The following RNF216 variants were observed in gnomAD, a reference collection of about 807,000 sequenced individuals.
The protein encoded by RNF216 is ring finger protein 216.
Under a neutral mutation model 110.8 loss-of-function variants are expected in RNF216, and 72 were observed. The ratio of observed to expected loss-of-function variants is 0.65; its 90% CI spans 0.54 to 0.79. The LOEUF is 0.79. Ranked by LOEUF, RNF216 falls within the 30% of genes least tolerant of loss-of-function variation. The pLI, the probability that RNF216 is intolerant of heterozygous loss-of-function variation, is 0.00. For missense variants in RNF216, 1,342 were observed against 1,141.2 expected, an observed-to-expected ratio of 1.18 and a Z score of -2.54; for synonymous variants, 495 against 407.5, an observed-to-expected ratio of 1.21 and a Z score of -2.59.
In RNF216 at chr7:5,624,423, C is replaced by T. The variant is rs955286754; in HGVS notation, c.2383-298G>A. ...TGGAGGGCCTCCATGCACTGAGCTGCGTGCAAGTGGTGGATATGAGAAGGG... is the reference window on the plus strand; with the variant it reads ...TGGAGGGCCTCCATGCACTGAGCTGTGTGCAAGTGGTGGATATGAGAAGGG... On this transcript the variant is annotated intron_variant, in intron 15 of 16. Coordinates refer to ENST00000389902, the MANE Select transcript of RNF216 (RefSeq NM_207111.4). This position sits in a 1 kb window ranked among gnomAD's most constrained non-coding sequence, Gnocchi z 4.4. 3.2e-4 allele frequency among the ~76,000 whole-genome samples: 48 copies of T among 152,338 alleles called. No homozygotes were observed. The highest frequency in any genetic ancestry group is 1.0e-3 in the African/African-American group (42 of 41,564).
chr7:5,668,127 C>T (rs549483703), intron 13 of RNF216, among the ~76,000 whole-genome samples: 18 of 152,158 alleles, frequency 1.2e-4, no homozygotes, highest in African/African-American at 4.3e-4. Flanking sequence ...TTGCAAGGTA[C>T]TGTTTATATA....
intron 3 of RNF216, among the ~76,000 whole-genome samples, chr7:5,752,355 C>A (rs1242246135): frequency 6.6e-6 from 1 of 152,036 alleles, no homozygotes; most frequent in Non-Finnish European, 1.5e-5. Context: ...TATGAAAAGA[C>A]AAAATTTGTT....
At chr7:5,762,979 A>T (rs2128672494) in intron 1 of RNF216, among the ~76,000 whole-genome samples, 1 of 152,346 alleles carries the variant, frequency 6.6e-6, no homozygotes, top group Middle Eastern at 3.4e-3. Flanking sequence ...AAGCCAAGAC[A>T]TTACATCTCC....
chr7:5,765,229 A>C (rs1227468790), intron 1 of RNF216, among the ~76,000 whole-genome samples: 2 of 152,144 alleles, frequency 1.3e-5, no homozygotes, highest in African/African-American at 4.8e-5. Flanking sequence ...CGGGAGGTCG[A>C]GGCCAGTGGA....
At chr7:5,767,867 G>C (rs1348287937) in intron 1 of RNF216, among the ~76,000 whole-genome samples, 1 of 152,098 alleles carries the variant, frequency 6.6e-6, no homozygotes, top group Admixed American at 6.6e-5. Context: ...CCAAAGTACT[G>C]GGATTACAGG....
chr7:5,660,666 C>G (rs1464748805), intron 13 of RNF216, among the ~76,000 whole-genome samples: 1 of 151,776 alleles, frequency 6.6e-6, no homozygotes, highest in African/African-American at 2.4e-5. Flanking sequence ...CAGTCGCGAC[C>G]TCCCTGGCTC....
At chr7:5,704,351 G>C (rs1054211966) in intron 13 of RNF216, among the ~76,000 whole-genome samples, 3 of 152,178 alleles carry the variant, frequency 2.0e-5, no homozygotes, top group African/African-American at 7.2e-5. Flanking sequence ...AGTCTCACAC[G>C]GGTCAAAATT....
At chr7:5,647,328 CTTTTTTTTTT>C (rs10617479) in intron 14 of RNF216, among the ~76,000 whole-genome samples, 3 of 94,812 alleles carry the variant, frequency 3.2e-5, no homozygotes, top group Non-Finnish European at 6.4e-5. Context: ...TTCTTTCTTT[CTTTTTTTTTT>C]TTTTTTTTTT....
chr7:5,770,910 C>T (rs993227899), intron 1 of RNF216, among the ~76,000 whole-genome samples: 2 of 151,724 alleles, frequency 1.3e-5, no homozygotes, highest in African/African-American at 4.8e-5. Context: ...TGGGTTCAAG[C>T]GATTCTCCTG....
intron 13 of RNF216, among the ~76,000 whole-genome samples, chr7:5,692,271 C>G (rs1791383234): frequency 6.6e-6 from 1 of 152,202 alleles, no homozygotes; most frequent in South Asian, 2.1e-4. Flanking sequence ...AAGCCTTTTA[C>G]TTGTTCCTCA....
chr7:5,635,305 T>C (rs1459999689), intron 15 of RNF216, among the ~76,000 whole-genome samples: 5 of 151,946 alleles, frequency 3.3e-5, no homozygotes, highest in Non-Finnish European at 5.9e-5. Flanking sequence ...TTTTTTTTTT[T>C]TTTAACACAC....
At chr7:5,630,834 C>A (rs1359068710) in intron 15 of RNF216, among the ~76,000 whole-genome samples, 1 of 152,192 alleles carries the variant, frequency 6.6e-6, no homozygotes, top group Non-Finnish European at 1.5e-5. Flanking sequence ...GCACTATGAA[C>A]TGATTGCCAC....
At chr7:5,703,977 A>C (rs1191313044) in intron 13 of RNF216, among the ~76,000 whole-genome samples, 1 of 152,134 alleles carries the variant, frequency 6.6e-6, no homozygotes, top group African/African-American at 2.4e-5. Flanking sequence ...TTTATGTAAC[A>C]CTCTTCAGTC....
intron 15 of RNF216, among the ~76,000 whole-genome samples, chr7:5,631,887 C>A (rs546325255): frequency 2.6e-4 from 39 of 152,346 alleles, no homozygotes; most frequent in African/African-American, 8.9e-4. Flanking sequence ...TCTGCCCCCA[C>A]GAGGTCCTGC....
rs372693334 is a variant in RNF216, at chr7:5,764,223, A to C, written c.-69-3085T>G. On this transcript the variant is annotated intron_variant, in intron 1 of 16. Coordinates refer to ENST00000389902, the MANE Select transcript of RNF216 (RefSeq NM_207111.4). The stretch of plus-strand genomic sequence containing the variant: ...GAATAAACTAATTAAAAAAAAAAAA[A>C]AACAGATAAGTATCCATTCAAACCA... 3.3e-5 allele frequency among the ~76,000 whole-genome samples: 5 copies of C among 152,234 alleles called. No homozygotes were observed. The South Asian group carries it at 8.3e-4, about 25-fold the overall frequency.
chr7:5,675,988 C>T (rs550524470), intron 13 of RNF216, among the ~76,000 whole-genome samples: 47 of 151,310 alleles, frequency 3.1e-4, no homozygotes, highest in East Asian at 1.8e-3. Flanking sequence ...GGATTACAGG[C>T]GTGAGCTACT....
chr7:5,762,678 C>T (rs990969900), intron 1 of RNF216, among the ~76,000 whole-genome samples: 15 of 151,226 alleles, frequency 9.9e-5, no homozygotes, highest in East Asian at 1.9e-4. Context: ...CATGACAGAG[C>T]GAGACTCTGT....
chr7:5,651,214 G>A (rs1310526691), intron 14 of RNF216, among the ~76,000 whole-genome samples: 1 of 151,886 alleles, frequency 6.6e-6, no homozygotes, highest in Non-Finnish European at 1.5e-5. Context: ...GGGTGAAGCA[G>A]TTAGACAATC....
chr7:5,708,016 C>T (rs1182552776), intron 13 of RNF216, among the ~76,000 whole-genome samples: 2 of 152,178 alleles, frequency 1.3e-5, no homozygotes, highest in Non-Finnish European at 2.9e-5. Context: ...TGGGAGCCAC[C>T]ATGCCCGGAC....
Sources: allele counts gnomAD v4.1 joint callset (sites outside exome capture counted in the v4.1 genomes callset), GRCh38; gene constraint gnomAD v4.1.1; non-coding constraint Gnocchi (gnomAD v3.1); transcripts MANE v1.5; gene names NCBI Gene and HGNC (gene_info 2026-07-23, HGNC 2026-07-21).